The following CEP112 variants were observed in gnomAD, a reference collection of about 807,000 sequenced individuals.
The protein encoded by CEP112 is centrosomal protein of 112 kDa.
Under a neutral mutation model 153.0 loss-of-function variants are expected in CEP112, and 127 were observed. The ratio of observed to expected loss-of-function variants is 0.83; its 90% CI spans 0.72 to 0.96. The LOEUF is 0.96. Ranked by LOEUF, CEP112 falls within the 40% of genes least tolerant of loss-of-function variation. The pLI is 0.00. For missense variants in CEP112, 1,089 were observed against 1,101.2 expected (o/e 0.99, Z 0.16); for synonymous variants, 358 against 374.4 (o/e 0.96, Z 0.51).
rs377414265 is a variant in CEP112 at position 65,851,968 on chromosome 17, G to C, written c.2230C>G (p.Arg744Gly). 6.8e-6 allele frequency: 11 copies of C among 1,613,970 alleles called. No homozygotes were observed. Among genetic ancestry groups the C allele is most frequent in the Non-Finnish European group, 8.5e-6 (10 of 1,179,990 alleles). Residue 744 changes from arginine (R) to glycine (G), a missense_variant, in exon 21 of 27, where the codon CGG (arginine) becomes GGG (glycine). By Grantham distance (125) the Arg-to-Gly change is moderately radical. Coordinates refer to ENST00000535342, the MANE Select transcript of CEP112 (RefSeq NM_001199165.4). Reference protein sequence around the residue: ...REELINVNSQRKQQLVELGLL... With the variant: ...REELINVNSQGKQQLVELGLL... ...CCAAGCTCTACCAGCTGCTGTTTCC[G>C]CTGTGAGTTCACATTGATCAATTCT...
intron 12 of CEP112, among the ~76,000 whole-genome samples, chr17:66,048,111 T>A (rs5001971): frequency 0.41 from 62,250 of 151,734 alleles, 14,218 homozygotes; most frequent in East Asian, 0.87. Flanking sequence ...TTTTTTTTTT[T>A]ATTTTTTTGA....
intron 23 of CEP112, among the ~76,000 whole-genome samples, chr17:65,734,625 C>A (rs1471718247): frequency 2.6e-5 from 4 of 151,998 alleles, no homozygotes; most frequent in South Asian, 4.1e-4. Flanking sequence ...TTTTGCAAAT[C>A]TTTTCAATGT....
At chr17:66,131,267 T>G (rs1383654627) in intron 5 of CEP112, among the ~76,000 whole-genome samples, 1 of 152,210 alleles carries the variant, frequency 6.6e-6, no homozygotes, top group African/African-American at 2.4e-5. Context: ...GCTTTTTGTA[T>G]GTTTTTCTCA....
At chr17:66,034,972 G>GTATA (rs1568411138) in intron 12 of CEP112, among the ~76,000 whole-genome samples, 1 of 64,692 alleles carries the variant, frequency 1.5e-5, no homozygotes, top group Non-Finnish European at 3.0e-5. Flanking sequence ...CTAAGTTTTT[G>GTATA]CATGTATATA....
chr17:66,053,254 C>T (rs753286399), intron 12 of CEP112, among the ~76,000 whole-genome samples: 69 of 150,154 alleles, frequency 4.6e-4, no homozygotes, highest in Non-Finnish European at 7.6e-4. Flanking sequence ...GTAATCCCAG[C>T]ACTTTGGGAG....
intron 6 of CEP112, among the ~76,000 whole-genome samples, chr17:66,108,294 A>G (rs1440760222): frequency 6.6e-6 from 1 of 152,170 alleles, no homozygotes; most frequent in African/African-American, 2.4e-5. Flanking sequence ...GCAAAAATAA[A>G]CAAATGGGAT....
intron 9 of CEP112, among the ~76,000 whole-genome samples, chr17:66,067,535 A>C (rs927635428): frequency 6.6e-6 from 1 of 152,200 alleles, no homozygotes; most frequent in Non-Finnish European, 1.5e-5. Flanking sequence ...GGTATACATT[A>C]ATAGAAACTC....
At chr17:65,749,380 C>T (rs1246169967) in intron 22 of CEP112, among the ~76,000 whole-genome samples, 8 of 151,934 alleles carry the variant, frequency 5.3e-5, no homozygotes, top group African/African-American at 1.7e-4. Flanking sequence ...TGGTGGCGGG[C>T]ACCTGTAGTC....
intron 18 of CEP112, among the ~76,000 whole-genome samples, chr17:65,943,822 T>C (rs528351439): frequency 6.6e-6 from 1 of 152,324 alleles, no homozygotes; most frequent in African/African-American, 2.4e-5. Flanking sequence ...CTTGATTCCA[T>C]TCTCCCTGTC....
At chr17:66,086,587 T>TA (rs1568475108) in intron 8 of CEP112, among the ~76,000 whole-genome samples, 1 of 151,728 alleles carries the variant, frequency 6.6e-6, no homozygotes, top group South Asian at 2.1e-4. Context: ...GTATTTTTTT[T>TA]AGCAGAGACG....
chr17:65,910,618 T>C (rs147410335), intron 19 of CEP112, among the ~76,000 whole-genome samples: 1 of 152,018 alleles, frequency 6.6e-6, no homozygotes, highest in East Asian at 1.9e-4. Flanking sequence ...TGATTCTAAA[T>C]CAGAAACAAT....
At chr17:66,177,626 TTAG>T (rs797021860) in intron 2 of CEP112, among the ~76,000 whole-genome samples, 63 of 152,328 alleles carry the variant, frequency 4.1e-4, no homozygotes, top group Middle Eastern at 6.8e-3. Flanking sequence ...CATTAAATTA[TTAG>T]TGACTGTAGT....
intron 4 of CEP112, among the ~76,000 whole-genome samples, chr17:66,148,870 TG>T (rs2071039750): frequency 6.6e-6 from 1 of 152,170 alleles, no homozygotes; most frequent in South Asian, 2.1e-4. Flanking sequence ...TTGCCTATGT[TG>T]AATACACAAG....
chr17:66,176,897 C>A lies in CEP112; in HGVS notation c.230G>T (p.Gly77Val). Residue 77 changes from glycine (G) to valine (V), a missense_variant, in exon 3 of 27, where the codon GGT becomes GTT. By Grantham distance (109) the Gly-to-Val change is moderately radical. Transcript: ENST00000535342. Reference sequence around the variant, plus strand: ...GTGTGTAAAAGGGCCTTCAAGCGCACCTCGTTTAAGCATATGCAATAACAA... The same window carrying A: ...GTGTGTAAAAGGGCCTTCAAGCGCAACTCGTTTAAGCATATGCAATAACAA... ...AKLLLHMLKR[G>V]ALEGPFTHRP... 6.2e-7 allele frequency: 1 copy of A among 1,613,798 alleles called. No individual in the cohort carries two copies. The highest frequency in any genetic ancestry group is 8.5e-7 in the Non-Finnish European group (1 of 1,179,892).
chr17:65,678,074 G>A (rs1403542155), intron 24 of CEP112, among the ~76,000 whole-genome samples: 1 of 152,066 alleles, frequency 6.6e-6, no homozygotes, highest in Non-Finnish European at 1.5e-5. Flanking sequence ...CGGAATGTTT[G>A]ATACGTTTTT....
Position 66,176,810 on chromosome 17 carries a change from T to C in CEP112, c.297+20A>G, listed in dbSNP as rs771682509. 6 of 1,573,896 alleles carry C rather than the reference T, an allele frequency of 3.8e-6. No individual in the cohort carries two copies. The highest frequency in any genetic ancestry group is 1.9e-5 in the Admixed American group (1 of 52,162). On this transcript the variant is annotated intron_variant, in intron 3 of 26. Coordinates refer to ENST00000535342, the MANE Select transcript of CEP112 (RefSeq NM_001199165.4). ...TTTTTAAATGAAACTAATATATACCTTTTGTTCATTGATACCTACCATGTA... is the reference window on the plus strand; with the variant it reads ...TTTTTAAATGAAACTAATATATACCCTTTGTTCATTGATACCTACCATGTA...
intron 19 of CEP112, among the ~76,000 whole-genome samples, chr17:65,919,266 A>G (rs2060614520): frequency 6.6e-6 from 1 of 152,280 alleles, no homozygotes; most frequent in South Asian, 2.1e-4. Context: ...TTGCTTTCCC[A>G]CAATCGAACT....
At chr17:65,911,967 G>T (rs1025674375) in intron 19 of CEP112, among the ~76,000 whole-genome samples, 2 of 151,968 alleles carry the variant, frequency 1.3e-5, no homozygotes, top group African/African-American at 4.8e-5. Flanking sequence ...AGCTCCCTTC[G>T]GGGGGAATAT....
intron 20 of CEP112, among the ~76,000 whole-genome samples, chr17:65,874,852 T>G (rs1009202767): frequency 6.6e-6 from 1 of 152,108 alleles, no homozygotes; most frequent in Non-Finnish European, 1.5e-5. Flanking sequence ...TTGACAAAAC[T>G]ATGCCTGTAA....
Sources: allele counts gnomAD v4.1 joint callset (sites outside exome capture counted in the v4.1 genomes callset), GRCh38; gene constraint gnomAD v4.1.1; transcripts MANE v1.5; gene names NCBI Gene and HGNC (gene_info 2026-07-23, HGNC 2026-07-21).